GRIN2B: variants seen among roughly 807,000 people sequenced by gnomAD.
The protein encoded by GRIN2B is glutamate receptor ionotropic, NMDA 2B.
A neutral mutation model predicts 114.5 loss-of-function variants in GRIN2B; 5 were observed. The observed-to-expected ratio is 0.04, with a 90% CI of 0.02 to 0.09. The LOEUF (loss-of-function observed/expected upper bound fraction) is 0.09. Among genes scored for constraint, GRIN2B ranks in the 10% least tolerant of loss-of-function variants. The pLI, the probability that GRIN2B is intolerant of heterozygous loss-of-function variation, is 1.00. For missense variants in GRIN2B, 1,108 were observed against 1,943.5 expected, an observed-to-expected ratio of 0.57 and a Z score of 8.08; for synonymous variants, 787 against 745.1, an observed-to-expected ratio of 1.06 and a Z score of -0.92.
chr12:13,792,831 C>T (rs944920379), intron 3 of GRIN2B, among the ~76,000 whole-genome samples: 1 of 152,182 alleles, frequency 6.6e-6, no homozygotes, highest in Non-Finnish European at 1.5e-5. Context: ...AAGTGGCAGG[C>T]ATTCTCAGCA....
At chr12:13,679,840 T>G (rs969078032) in intron 4 of GRIN2B, among the ~76,000 whole-genome samples, 3 of 152,146 alleles carry the variant, frequency 2.0e-5, no homozygotes, top group Non-Finnish European at 4.4e-5. Context: ...CACCTGAATC[T>G]CAGTTATTCT....
intron 2 of GRIN2B, among the ~76,000 whole-genome samples, chr12:13,954,967 T>C (rs901636978): frequency 6.6e-6 from 1 of 151,986 alleles, no homozygotes; most frequent in South Asian, 2.1e-4. Flanking sequence ...AATGCTTTCA[T>C]TATAGAACTG....
intron 2 of GRIN2B, among the ~76,000 whole-genome samples, chr12:13,940,804 G>A (rs1591632943): frequency 1.3e-5 from 2 of 152,190 alleles, no homozygotes; most frequent in East Asian, 1.9e-4. Context: ...TGTAACGGAT[G>A]AGTGTTCCAT....
chr12:13,652,318 C>T (rs1949821842), intron 5 of GRIN2B, among the ~76,000 whole-genome samples: 1 of 151,654 alleles, frequency 6.6e-6, no homozygotes, highest in Non-Finnish European at 1.5e-5. Context: ...TGAGCAAGTG[C>T]AATATGGTGT....
intron 5 of GRIN2B, among the ~76,000 whole-genome samples, chr12:13,621,613 GTT>G (rs869106790): frequency 4.7e-3 from 339 of 72,276 alleles, no homozygotes; most frequent in African/African-American, 8.5e-3. Context: ...CCTAGTTTTT[GTT>G]TTTTTTTTTT....
chr12:13,813,676 C>T (rs941561723), intron 3 of GRIN2B, among the ~76,000 whole-genome samples: 2 of 152,198 alleles, frequency 1.3e-5, no homozygotes, highest in East Asian at 1.9e-4. Flanking sequence ...GTCATTTATA[C>T]AGGACTTAGA....
chr12:13,795,835 G>A (rs934285195), intron 3 of GRIN2B, among the ~76,000 whole-genome samples: 2 of 152,194 alleles, frequency 1.3e-5, no homozygotes, highest in Non-Finnish European at 1.5e-5. Flanking sequence ...CACAAGGACA[G>A]AAAACCAAAC....
In GRIN2B at chr12:13,616,387, C is replaced by A; in HGVS notation, c.1328+68G>T. ...CTCATGCCTCAGGTCTCAGGCCAGC[C>A]AAGTGCTAACAGGTGCATCAAAGCT... is the stretch of plus-strand genomic sequence containing the variant. On this transcript the variant is annotated intron_variant, in intron 6 of 13. Transcript: ENST00000609686. 3.5e-6 allele frequency: 4 copies of A among 1,149,040 alleles called. 1 individual carries two copies. The South Asian group carries it at 5.0e-5, about 14-fold the overall frequency. The allele number at this position is 1,149,040 out of a possible 1,614,324, so 71.2% of individuals were successfully genotyped here.
intron 2 of GRIN2B, among the ~76,000 whole-genome samples, chr12:13,970,345 T>C (rs1867853729): frequency 6.6e-6 from 1 of 152,210 alleles, no homozygotes; most frequent in African/African-American, 2.4e-5. Context: ...TTCATCAGCC[T>C]AAAGCTGGCA....
chr12:13,600,590 G>T (rs1015506814), intron 10 of GRIN2B, among the ~76,000 whole-genome samples: 1 of 152,096 alleles, frequency 6.6e-6, no homozygotes, highest in African/African-American at 2.4e-5. Context: ...GATGAGAAAA[G>T]AGTTCCCTGT....
At chr12:13,723,414 G>C (rs73298369) in intron 4 of GRIN2B, among the ~76,000 whole-genome samples, 2,832 of 151,296 alleles carry the variant, frequency 0.019, 85 homozygotes, top group African/African-American at 0.065. Context: ...ATGTACCCTT[G>C]TATCAATTTT....
chr12:13,901,017 A>G (rs1356009663), intron 2 of GRIN2B, among the ~76,000 whole-genome samples: 1 of 152,170 alleles, frequency 6.6e-6, no homozygotes, highest in Non-Finnish European at 1.5e-5. Flanking sequence ...TAGTACAATA[A>G]TAACTGAAGT....
Position 13,563,207 on chromosome 12 carries a change from G to C in GRIN2B, c.4031C>G (p.Ala1344Gly), listed in dbSNP as rs759438353. The C allele has an allele frequency of 6.2e-7, 1 of 1,614,244 alleles. No homozygotes were observed. Among genetic ancestry groups the C allele is most frequent in the Non-Finnish European group, 8.5e-7 (1 of 1,180,046 alleles). ...SPYAHMFEMSAGESTFANNKS... is the reference protein window; with the variant it reads ...SPYAHMFEMSGGESTFANNKS... ...GTTGTTGGCAAAGGTGCTCTCGCCA[G>C]CTGACATCTCAAACATGTGGGCGTA... is the stretch of plus-strand genomic sequence containing the variant. The change falls in exon 14 of 14, where the codon GCT becomes GGT. Residue 1344 changes from alanine (A) to glycine (G), a missense_variant. Ala to Gly is a moderately conservative substitution (Grantham distance 60). Around this residue, in one of 19 missense-constraint regions of GRIN2B, gnomAD observed 478 missense variants for 506.0 expected, o/e 0.94. Transcript: ENST00000609686.
At chr12:13,591,870 C>G (rs1475468751) in intron 10 of GRIN2B, among the ~76,000 whole-genome samples, 1 of 152,180 alleles carries the variant, frequency 6.6e-6, no homozygotes, top group Non-Finnish European at 1.5e-5. Flanking sequence ...TGCTCACAAA[C>G]AGAAATATGC....
At chr12:13,956,170 G>T (rs1030782244) in intron 2 of GRIN2B, among the ~76,000 whole-genome samples, 10 of 152,166 alleles carry the variant, frequency 6.6e-5, no homozygotes, top group Admixed American at 5.2e-4. Flanking sequence ...TGTGTCAAGG[G>T]CACTAAGTGT....
At chr12:13,717,073 G>A (rs924887331) in intron 4 of GRIN2B, among the ~76,000 whole-genome samples, 3 of 99,998 alleles carry the variant, frequency 3.0e-5, no homozygotes, top group African/African-American at 2.4e-4. Context: ...ACGCGTGTGT[G>A]TGTGTGTGTG....
chr12:13,776,705 C>T (rs1470175382), intron 3 of GRIN2B, among the ~76,000 whole-genome samples: 5 of 151,648 alleles, frequency 3.3e-5, no homozygotes, highest in East Asian at 1.9e-4. Flanking sequence ...GGGATTAGAG[C>T]GGAGACAAGA....
At chr12:13,814,057 G>C (rs1254663775) in intron 3 of GRIN2B, among the ~76,000 whole-genome samples, 1 of 152,158 alleles carries the variant, frequency 6.6e-6, no homozygotes, top group Non-Finnish European at 1.5e-5. Context: ...TTCCTCTTGG[G>C]GGAAATAGGA....
rs1405856456 is a variant in GRIN2B, at chr12:13,600,209, CTTCCTTCCTCT to C, written c.2010+8383_2010+8393del. The stretch of plus-strand genomic sequence containing the variant: ...TCTGATTACCTCCCTCCCTCCCTTC[CTTCCTTCCTCT>C]TTCCCCTCATACTCTCTCCATCTGT... On this transcript the variant is annotated intron_variant, in intron 10 of 13. Transcript: ENST00000609686. 5.3e-5 allele frequency among the ~76,000 whole-genome samples: 8 copies of C among 152,250 alleles called. No individual in the cohort carries two copies. In the South Asian group the frequency reaches 1.7e-3, roughly 32 times the overall value.
Sources: gnomAD v4.1 joint callset for allele counts (sites outside exome capture counted in the v4.1 genomes callset) on GRCh38, gnomAD v4.1.1 for gene constraint, gnomAD v4.1.1 regional missense constraint, MANE v1.5 for transcripts, NCBI Gene and HGNC (gene_info 2026-07-23, HGNC 2026-07-21) for gene names.